The following TLK1 variants were observed in gnomAD, a reference collection of about 807,000 sequenced individuals.
TLK1 encodes tousled like kinase 1.
TLK1 carries 24 observed loss-of-function variants against 105.3 expected under a neutral mutation model. The observed-to-expected ratio is 0.23, with a 90% CI of 0.17 to 0.32. The LOEUF is 0.32. TLK1 is among the 10% of genes least tolerant of loss of function. The pLI is 1.00. For synonymous variants in TLK1, 321 were observed against 310.4 expected (o/e 1.03, Z -0.36); for missense variants, 558 against 910.5 (o/e 0.61, Z 4.98).
At chr2:171,121,688 CTT>C (rs1479055540) in intron 1 of TLK1, among the ~76,000 whole-genome samples, 1 of 152,200 alleles carries the variant, frequency 6.6e-6, no homozygotes, top group Non-Finnish European at 1.5e-5. Context: ...TATGCCTACT[CTT>C]TGACTTGATA....
At chr2:171,006,745 G>A (rs1684670033) in intron 16 of TLK1, 55 bp downstream of exon 16, 23 of 1,591,120 alleles carry the variant, frequency 1.4e-5, no homozygotes, top group African/African-American at 2.7e-5. Context: ...ACAGGATGGG[G>A]AAAGAGAAAG....
chr2:171,181,733 C>A (rs1169172008), intron 1 of TLK1, among the ~76,000 whole-genome samples: 1 of 152,186 alleles, frequency 6.6e-6, no homozygotes, highest in Non-Finnish European at 1.5e-5. Flanking sequence ...AAACTTTAAT[C>A]TCTTCTTGAA....
intron 12 of TLK1, among the ~76,000 whole-genome samples, chr2:171,016,110 TA>T (rs1047492918): frequency 6.7e-6 from 1 of 149,830 alleles, no homozygotes; most frequent in African/African-American, 2.4e-5. Context: ...CCGCCGTCAA[TA>T]AAAAAAAAGG....
intron 1 of TLK1, among the ~76,000 whole-genome samples, chr2:171,131,462 C>A (rs1033792371): frequency 1.3e-5 from 2 of 152,130 alleles, no homozygotes; most frequent in Admixed American, 1.3e-4. Flanking sequence ...GTGGCAGATG[C>A]AAAGTTCTAT....
chr2:171,119,678 G>A (rs769700615), intron 1 of TLK1, among the ~76,000 whole-genome samples: 6 of 152,176 alleles, frequency 3.9e-5, no homozygotes, highest in Non-Finnish European at 7.3e-5. Context: ...AAACCCTCAC[G>A]TGAAATGATT....
At chr2:171,099,806 G>A (rs372320615) in intron 2 of TLK1, among the ~76,000 whole-genome samples, 8 of 152,226 alleles carry the variant, frequency 5.3e-5, no homozygotes, top group East Asian at 1.9e-4. Flanking sequence ...AGTCCAACGC[G>A]AAAAAATTAT....
intron 1 of TLK1, among the ~76,000 whole-genome samples, chr2:171,144,983 C>A (rs1428325716): frequency 1.3e-5 from 2 of 152,120 alleles, no homozygotes; most frequent in Non-Finnish European, 2.9e-5. Flanking sequence ...CATCCTTAGT[C>A]ATCAGGGAAA....
In TLK1 at chr2:171,058,176, C is replaced by T; in HGVS notation, c.428G>A (p.Gly143Asp). The change falls in exon 5 of 21, where the codon GGC (glycine) becomes GAC (aspartate). Residue 143 changes from glycine to aspartate, a missense_variant. Coordinates refer to ENST00000431350, the MANE Select transcript of TLK1 (RefSeq NM_012290.5). ...SSQGKSIGGRGHKISDYFEYQ... is the reference protein window; with the variant it reads ...SSQGKSIGGRDHKISDYFEYQ... ...TTCAAAATAGTCGCTAATTTTGTGGCCACGTCCCCCAATACTTTTTCCTAA... is the reference window on the plus strand; with the variant it reads ...TTCAAAATAGTCGCTAATTTTGTGGTCACGTCCCCCAATACTTTTTCCTAA... The T allele has an allele frequency of 6.2e-7, 1 of 1,613,452 alleles. No individual in the cohort carries two copies.
At chr2:171,089,320 T>G (rs561246765) in intron 2 of TLK1, among the ~76,000 whole-genome samples, 2 of 152,340 alleles carry the variant, frequency 1.3e-5, no homozygotes, top group African/African-American at 4.8e-5. Context: ...GGCTACTGCC[T>G]TTTGGAACCT....
intron 1 of TLK1, among the ~76,000 whole-genome samples, chr2:171,134,109 T>C (rs1691212488): frequency 6.6e-6 from 1 of 152,202 alleles, no homozygotes; most frequent in Admixed American, 6.5e-5. Context: ...GTTCTCTAAA[T>C]TTATCTGCTT....
chr2:171,199,679 A>C (rs1693361100), intron 1 of TLK1, among the ~76,000 whole-genome samples: 1 of 152,212 alleles, frequency 6.6e-6, no homozygotes, highest in Non-Finnish European at 1.5e-5. Context: ...TAGTAAATCC[A>C]GTGGTCCCTT....
At chr2:171,036,443 A>G (rs1686343914) in intron 11 of TLK1, among the ~76,000 whole-genome samples, 1 of 152,214 alleles carries the variant, frequency 6.6e-6, no homozygotes, top group African/African-American at 2.4e-5. Flanking sequence ...TTAGCAGGCT[A>G]AACTTCATCA....
At position 171,063,432 on chromosome 2, in the gene TLK1, T is replaced by C. The variant is rs185751681; in HGVS notation, c.331-2276A>G. On this transcript the variant is annotated intron_variant, in intron 3 of 20. Transcript: ENST00000431350. Reference sequence around the variant, plus strand: ...TATCCTTCCTAACTTAATTTATATATAAAAAAGCGAAGAAAACATAATTTT... The same window carrying C: ...TATCCTTCCTAACTTAATTTATATACAAAAAAGCGAAGAAAACATAATTTT... Among the ~76,000 whole-genome samples, 62 of 152,208 alleles carry C rather than the reference T, an allele frequency of 4.1e-4. 2 individuals carry two copies. In the East Asian group the frequency reaches 0.012, roughly 28 times the overall value.
At chr2:171,089,701 GC>G (rs1689142458) in intron 2 of TLK1, among the ~76,000 whole-genome samples, 1 of 152,104 alleles carries the variant, frequency 6.6e-6, no homozygotes, top group Admixed American at 6.5e-5. Context: ...ACCAGGTCTT[GC>G]TCTGTCACTC....
rs557821632 is a variant in TLK1 at position 171,217,464 on chromosome 2, C to T, written c.-6+13681G>A. Among the ~76,000 whole-genome samples, 13 of 151,788 alleles carry T rather than the reference C, an allele frequency of 8.6e-5. No homozygotes were observed. In the South Asian group the frequency reaches 1.7e-3, roughly 19 times the overall value. ...TTGATCTCTTTGTCAGTTTGGGAGT[C>T]GTATTTCACCTCTTTTCCATTTCCT... On this transcript the variant is annotated intron_variant, in intron 1 of 20. Transcript: ENST00000521943.
At chr2:171,076,054 C>G (rs1045409701) in intron 3 of TLK1, among the ~76,000 whole-genome samples, 3 of 152,114 alleles carry the variant, frequency 2.0e-5, no homozygotes, top group African/African-American at 7.2e-5. Context: ...CCTGTCTCCA[C>G]TAAAAATATA....
At chr2:171,164,386 A>G (rs1692569127), upstream of TLK1, among the ~76,000 whole-genome samples, 2 of 152,174 alleles carry the variant, frequency 1.3e-5, no homozygotes, top group Non-Finnish European at 2.9e-5. Flanking sequence ...ATTCCTAAGT[A>G]TGCATCAAAA....
In TLK1 at chr2:171,167,386, C is replaced by T. The variant is rs145011739; in HGVS notation, c.-5-49529G>A. On this transcript the variant is annotated intron_variant, in intron 1 of 20. Coordinates refer to the TLK1 transcript ENST00000521943. ...CCAAAGGTATGAATATAGATCAGAGCTCTTAAGATGCCTACCCTGCAATCT... is the reference window on the plus strand; with the variant it reads ...CCAAAGGTATGAATATAGATCAGAGTTCTTAAGATGCCTACCCTGCAATCT... Among the ~76,000 whole-genome samples the T allele has an allele frequency of 3.9e-3, 589 of 152,264 alleles. 3 individuals carry two copies. Among genetic ancestry groups the T allele is most frequent in the African/African-American group, 0.013 (559 of 41,538 alleles).
chr2:171,182,411 T>C (rs909465617), intron 1 of TLK1, among the ~76,000 whole-genome samples: 1 of 152,192 alleles, frequency 6.6e-6, no homozygotes, highest in Non-Finnish European at 1.5e-5. Context: ...GGGCTACTTA[T>C]TAGAATGCAG....
Sources: allele counts gnomAD v4.1 joint callset (sites outside exome capture counted in the v4.1 genomes callset), GRCh38; gene constraint gnomAD v4.1.1; transcripts MANE v1.5; gene names NCBI Gene and HGNC (gene_info 2026-07-23, HGNC 2026-07-21).